The following CAPN8 variants were observed in gnomAD, a reference collection of about 807,000 sequenced individuals.
The protein encoded by CAPN8 is calpain 8.
CAPN8 carries 87 observed loss-of-function variants against 80.9 expected under a neutral mutation model. The ratio of observed to expected loss-of-function variants is 1.07; its 90% CI spans 0.90 to 1.28. The LOEUF is 1.28. CAPN8 is among the 50% of genes most tolerant of loss of function. The pLI, the probability that CAPN8 is intolerant of heterozygous loss-of-function variation, is 0.00. For synonymous variants in CAPN8, 299 were observed against 273.8 expected (o/e 1.09, Z -0.91); for missense variants, 757 against 702.0 (o/e 1.08, Z -0.89).
rs200538064 is a variant in CAPN8, at chr1:223,619,377, C to T, written c.1051G>A (p.Glu351Lys). ...CNLSPDSLSS[E>K]EVHKWNLVLF... ...ACCAGGTTCCATTTGTGCACCTCCT[C>T]GCTACTCAGAGAGTCCGGGGACAGG... Residue 351 changes from glutamate to lysine, a missense_variant, in exon 9 of 21, where the codon GAG (glutamate) becomes AAG (lysine). Physicochemically the swap from Glu to Lys is moderately conservative, Grantham distance 56. Coordinates refer to ENST00000366872, the MANE Select transcript of CAPN8 (RefSeq NM_001143962.2). 1.3e-3 allele frequency: 2,089 copies of T among 1,551,684 alleles called. 2 individuals carry two copies. Among genetic ancestry groups the T allele is most frequent in the Non-Finnish European group, 1.6e-3 (1,819 of 1,147,004 alleles).
intron 13 of CAPN8, among the ~76,000 whole-genome samples, chr1:223,554,460 A>G (rs1389766580): frequency 6.6e-6 from 1 of 152,110 alleles, no homozygotes; most frequent in Non-Finnish European, 1.5e-5. Context: ...TTTCTACAAA[A>G]AATACAAAAA....
intron 2 of CAPN8, among the ~76,000 whole-genome samples, chr1:223,641,980 A>G (rs1658054398): frequency 1.3e-5 from 2 of 152,178 alleles, no homozygotes; most frequent in Non-Finnish European, 2.9e-5. Context: ...ACCACCATTC[A>G]ACACCGTGGG....
At chr1:223,645,772 A>T (rs1266489210) in intron 2 of CAPN8, among the ~76,000 whole-genome samples, 1 of 152,216 alleles carries the variant, frequency 6.6e-6, no homozygotes, top group Non-Finnish European at 1.5e-5. Context: ...GTACTGGGTC[A>T]TGAAGCCTGG....
At chr1:223,663,883 T>TAC (rs1658717437) in intron 1 of CAPN8, among the ~76,000 whole-genome samples, 1 of 152,220 alleles carries the variant, frequency 6.6e-6, no homozygotes, top group African/African-American at 2.4e-5. Context: ...TTAGAAGAAG[T>TAC]ACTCTCCCTT....
intron 1 of CAPN8, among the ~76,000 whole-genome samples, chr1:223,664,089 C>T (rs1055505975): frequency 6.6e-6 from 1 of 152,148 alleles, no homozygotes; most frequent in African/African-American, 2.4e-5. Context: ...AGGTTCTCAT[C>T]CCTGAGGAAT....
intron 10 of CAPN8, among the ~76,000 whole-genome samples, chr1:223,614,399 CAAA>C (rs66479503): frequency 1.5e-5 from 2 of 130,914 alleles, no homozygotes; most frequent in African/African-American, 2.8e-5. Flanking sequence ...GAGTCCGTCT[CAAA>C]AAAAAAAAAA....
intron 10 of CAPN8, among the ~76,000 whole-genome samples, chr1:223,612,881 AT>A (rs1488945444): frequency 7.2e-5 from 11 of 152,210 alleles, no homozygotes; most frequent in Non-Finnish European, 1.3e-4. Flanking sequence ...TCCTGGTAGT[AT>A]CCAAGTCCCT....
At position 223,609,335 on chromosome 1, in the gene CAPN8, G is replaced by A. The variant is rs1407329216; in HGVS notation, c.1353C>T (p.Gly451=). The change falls in exon 12 of 21, where the codon GGC becomes GGT. Residue 451 remains glycine (G), a synonymous_variant. Transcript: ENST00000366872. ...ELESHTDAHL[G]RDFFLAYQPS... ...GCTGGTAGGCCAGGAAGAAATCCCG[G>A]CCCAAGTGTGCGTCCGTGTGACTCT... 10 of 398,442 alleles carry A rather than the reference G, an allele frequency of 2.5e-5. No individual in the cohort carries two copies. The highest frequency in any genetic ancestry group is 4.4e-5 in the Non-Finnish European group (10 of 226,052). The allele number at this position is 398,442 out of a possible 1,614,324, so 24.7% of individuals were successfully genotyped here.
intron 7 of CAPN8, among the ~76,000 whole-genome samples, chr1:223,620,914 C>A (rs540879219): frequency 6.6e-6 from 1 of 151,802 alleles, no homozygotes; most frequent in African/African-American, 2.4e-5. Context: ...GTTAGGTTTT[C>A]CTGAAATATG....
intron 16 of CAPN8, among the ~76,000 whole-genome samples, chr1:223,547,991 CTG>C (rs1252355491): frequency 2.6e-5 from 4 of 152,218 alleles, no homozygotes; most frequent in African/African-American, 9.6e-5. Flanking sequence ...GAGTGGCCGA[CTG>C]AAGCTCAGAG....
intron 14 of CAPN8, among the ~76,000 whole-genome samples, chr1:223,551,390 C>T (rs1656783566): frequency 6.6e-6 from 1 of 152,184 alleles, no homozygotes; most frequent in Non-Finnish European, 1.5e-5. Flanking sequence ...ATCTGCCCAC[C>T]TCAGCCTCCC....
At chr1:223,621,410 G>A (rs113347362) in intron 7 of CAPN8, among the ~76,000 whole-genome samples, 2,436 of 152,078 alleles carry the variant, frequency 0.016, 64 homozygotes, top group African/African-American at 0.055. Context: ...ACCACCTCCC[G>A]CCTGCCAGGG....
chr1:223,544,746 A>T (rs1656571812), intron 18 of CAPN8, 26 bp downstream of exon 18: 1 of 1,551,314 alleles, frequency 6.4e-7, no homozygotes, highest in Non-Finnish European at 8.7e-7. Context: ...GGATCCCAAG[A>T]CCCTGTCTAC....
chr1:223,652,235 A>G (rs1283041831), intron 2 of CAPN8, among the ~76,000 whole-genome samples: 1 of 152,114 alleles, frequency 6.6e-6, no homozygotes, highest in Non-Finnish European at 1.5e-5. Context: ...TCAGCTGCTC[A>G]GGAGGTTGAG....
At position 223,622,804 on chromosome 1, in the gene CAPN8, A is replaced by G. The variant is rs551396255; in HGVS notation, c.899+11T>C. 44 of 1,550,586 alleles carry G rather than the reference A, an allele frequency of 2.8e-5. No individual in the cohort carries two copies. Among genetic ancestry groups the G allele is most frequent in the African/African-American group, 2.7e-5 (2 of 73,132 alleles). ...GAGAGATGACTGGAGAAGCGGGGGAAAAAAACCTACTCATCGCTCCAGGCT... is the reference window on the plus strand; with the variant it reads ...GAGAGATGACTGGAGAAGCGGGGGAGAAAAACCTACTCATCGCTCCAGGCT... On this transcript the variant is annotated intron_variant, in intron 7 of 20. Coordinates refer to ENST00000366872, the MANE Select transcript of CAPN8 (RefSeq NM_001143962.2).
intron 11 of CAPN8, among the ~76,000 whole-genome samples, chr1:223,611,406 C>T (rs1209380561): frequency 5.3e-5 from 8 of 152,208 alleles, no homozygotes; most frequent in African/African-American, 9.7e-5. Context: ...TGTTAACATT[C>T]TTTTTCTAGA....
intron 20 of CAPN8, among the ~76,000 whole-genome samples, chr1:223,542,490 G>C (rs1656494139): frequency 6.6e-6 from 1 of 152,008 alleles, no homozygotes; most frequent in South Asian, 2.1e-4. Flanking sequence ...CAGACAATGG[G>C]GCACAGCCAG....
At chr1:223,665,303 T>A in intron 1 of CAPN8, 107 bp downstream of exon 1, 1 of 840,856 alleles carries the variant, frequency 1.2e-6, no homozygotes, top group Non-Finnish European at 1.9e-6. Flanking sequence ...AAATATGAGA[T>A]CCAGACACTT....
At chr1:223,621,641 G>T (rs145026076) in intron 7 of CAPN8, among the ~76,000 whole-genome samples, 2 of 152,064 alleles carry the variant, frequency 1.3e-5, no homozygotes, top group Non-Finnish European at 2.9e-5. Context: ...CTAGAGACAC[G>T]TGTTTCTTCG....
Sources: gnomAD v4.1 joint callset for allele counts (sites outside exome capture counted in the v4.1 genomes callset) on GRCh38, gnomAD v4.1.1 for gene constraint, MANE v1.5 for transcripts, NCBI Gene and HGNC (gene_info 2026-07-23, HGNC 2026-07-21) for gene names.